DRG1: variants seen among roughly 807,000 people sequenced by gnomAD.
DRG1 encodes developmentally-regulated GTP-binding protein 1.
In DRG1, 19 loss-of-function variants were observed where a neutral mutation model predicts 38.8. The ratio of observed to expected loss-of-function variants is 0.49; its 90% CI spans 0.34 to 0.72. The LOEUF is 0.72. Among genes scored for constraint, DRG1 ranks in the 30% least tolerant of loss-of-function variants. The pLI, the probability that DRG1 is intolerant of heterozygous loss-of-function variation, is 0.01. For missense variants in DRG1, 299 were observed against 444.8 expected (o/e 0.67, Z 2.95); for synonymous variants, 167 against 157.5 (o/e 1.06, Z -0.45).
intron 3 of DRG1, among the ~76,000 whole-genome samples, 179 bp from the exon 4 acceptor site, chr22:31,410,833 G>A (rs767814860): frequency 6.6e-6 from 1 of 151,556 alleles, no homozygotes; most frequent in Non-Finnish European, 1.5e-5. Context: ...AAAAAAGCCT[G>A]TAGCTGACAT....
chr22:31,422,387 C>T (rs1430987879), intron 5 of DRG1, among the ~76,000 whole-genome samples: 6 of 151,954 alleles, frequency 3.9e-5, no homozygotes, highest in Admixed American at 1.3e-4. Context: ...GCTGAGATCG[C>T]GCCACTGCAC....
At chr22:31,411,115 C>T (rs1205071236) in intron 4 of DRG1, 34 bp downstream of exon 4, 1 of 1,605,702 alleles carries the variant, frequency 6.2e-7, no homozygotes, top group African/African-American at 1.3e-5. Context: ...CCTGGGATAT[C>T]ATTCCCTTCT....
At chr22:31,404,320 A>G (rs1432911911) in intron 3 of DRG1, among the ~76,000 whole-genome samples, 2 of 150,982 alleles carry the variant, frequency 1.3e-5, no homozygotes, top group East Asian at 2.0e-4. Context: ...GCTCACTGCA[A>G]TCTCCGCCTC....
chr22:31,405,172 C>CTTT lies in DRG1; in HGVS notation c.342+1980_342+1982dup, dbSNP rs1278780788. ...TTTTGTAGAGGCCTTAATAAATTTT[C>CTTT]TTTTTTTTTTTTTTGAGACAGAGTC... On this transcript the variant is annotated intron_variant, in intron 3 of 8. Transcript: ENST00000331457. Among the ~76,000 whole-genome samples the CTTT allele has an allele frequency of 6.4e-3, 885 of 139,118 alleles. 2 individuals are homozygous for CTTT. The highest frequency in any genetic ancestry group is 0.011 in the Non-Finnish European group (702 of 63,878). The allele number at this position is 139,118 out of a possible 152,430, so 91.3% of individuals were successfully genotyped here.
chr22:31,431,454 C>G (rs992055239), intron 8 of DRG1, among the ~76,000 whole-genome samples: 3 of 152,196 alleles, frequency 2.0e-5, no homozygotes, highest in African/African-American at 4.8e-5. Context: ...TGCTTGAGTC[C>G]AGGAGTGTGA....
intron 4 of DRG1, among the ~76,000 whole-genome samples, chr22:31,418,969 C>T (rs2050060042): frequency 6.6e-6 from 1 of 152,168 alleles, no homozygotes; most frequent in Non-Finnish European, 1.5e-5. Context: ...GCGTGAGCCA[C>T]TGCGCCGGCC....
intron 8 of DRG1, among the ~76,000 whole-genome samples, chr22:31,431,092 T>A (rs546273959): frequency 7.7e-6 from 1 of 129,402 alleles, no homozygotes; most frequent in African/African-American, 2.9e-5. Flanking sequence ...CTGAGTGCAG[T>A]GGTGCGATCT....
chr22:31,414,988 G>T (rs1284787566), intron 4 of DRG1, among the ~76,000 whole-genome samples: 1 of 151,950 alleles, frequency 6.6e-6, no homozygotes, highest in Non-Finnish European at 1.5e-5. Flanking sequence ...GTTGTTCAGG[G>T]TGGTCTCGAA....
In DRG1 at chr22:31,403,124, T is replaced by C; in HGVS notation, c.262T>C (p.Tyr88His). Reference sequence around the variant, plus strand: ...ACTGCTTAGTAACCTGGCAGGGGTATATTCTGAGGTGGCAGCCTATGAATT... The same window carrying C: ...ACTGCTTAGTAACCTGGCAGGGGTACATTCTGAGGTGGCAGCCTATGAATT... ...STLLSNLAGV[Y>H]SEVAAYEFTT... Residue 88 changes from tyrosine to histidine, a missense_variant, in exon 3 of 9, where the codon TAT becomes CAT. Transcript: ENST00000331457. The C allele has an allele frequency of 6.2e-7, 1 of 1,614,160 alleles. No homozygotes were observed. Among genetic ancestry groups the C allele is most frequent in the Non-Finnish European group, 8.5e-7 (1 of 1,180,026 alleles).
At chr22:31,403,305 A>G (rs2049972747) in intron 3 of DRG1, 101 bp downstream of exon 3, 2 of 1,265,930 alleles carry the variant, frequency 1.6e-6, no homozygotes, top group African/African-American at 1.5e-5. Context: ...TCTTTGATCT[A>G]CCAGGCACTT....
At chr22:31,431,022 C>T (rs2050135729) in intron 8 of DRG1, among the ~76,000 whole-genome samples, 2 of 4,888 alleles carry the variant, frequency 4.1e-4, no homozygotes, top group Admixed American at 1.5e-3. Context: ...CCGGCCTTCC[C>T]CCCCCCCCCC....
intron 4 of DRG1, among the ~76,000 whole-genome samples, chr22:31,414,385 A>G (rs1367307376): frequency 1.3e-5 from 2 of 152,096 alleles, no homozygotes; most frequent in Non-Finnish European, 2.9e-5. Flanking sequence ...GGATCACTTG[A>G]GCTCAGGAGT....
rs773904999 is a variant in DRG1, at chr22:31,433,890, C to G, written c.1023C>G (p.Leu341=). The G allele has an allele frequency of 6.2e-7, 1 of 1,614,068 alleles. No homozygotes were observed. Among genetic ancestry groups the G allele is most frequent in the Non-Finnish European group, 8.5e-7 (1 of 1,179,936 alleles). The part of the protein sequence containing the change: ...KEFKYALVWG[L]SVKHNPQKVG... ...CATGCAGTGCTCTGGTCTGGGGTCT[C>G]TCTGTGAAACACAATCCTCAGAAAG... Residue 341 remains leucine, a synonymous_variant, in exon 9 of 9, where the codon CTC becomes CTG. Transcript: ENST00000331457.
At chr22:31,430,924 C>T (rs1315023896) in intron 8 of DRG1, among the ~76,000 whole-genome samples, 1 of 150,666 alleles carries the variant, frequency 6.6e-6, no homozygotes, top group Non-Finnish European at 1.5e-5. Context: ...CCCTATGTTG[C>T]CCTGGCTGGT....
intron 4 of DRG1, among the ~76,000 whole-genome samples, chr22:31,412,137 A>C (rs1463570495): frequency 6.6e-6 from 1 of 150,784 alleles, no homozygotes. Flanking sequence ...TAAAAATACA[A>C]AAAAAAATTA....
At chr22:31,431,035 CTTTT>C in intron 8 of DRG1, among the ~76,000 whole-genome samples, 1 of 56,768 alleles carries the variant, frequency 1.8e-5, no homozygotes, top group African/African-American at 6.7e-5. Flanking sequence ...CCCCCCCCCG[CTTTT>C]TTTTTTTTTT....
At chr22:31,409,101 T>G (rs1601526424) in intron 3 of DRG1, among the ~76,000 whole-genome samples, 1 of 152,106 alleles carries the variant, frequency 6.6e-6, no homozygotes, top group Non-Finnish European at 1.5e-5. Flanking sequence ...TTATTTATTT[T>G]TATTATTTTT....
chr22:31,419,560 A>G (rs537018061), intron 4 of DRG1, among the ~76,000 whole-genome samples: 1 of 152,102 alleles, frequency 6.6e-6, no homozygotes, highest in African/African-American at 2.4e-5. Context: ...GGCAGAAAGC[A>G]GATCAGTGGT....
chr22:31,426,342 G>T (rs12169621), intron 6 of DRG1, among the ~76,000 whole-genome samples: 1 of 152,220 alleles, frequency 6.6e-6, no homozygotes, highest in African/African-American at 2.4e-5. Flanking sequence ...GCTGGGATTA[G>T]AATCAGTCTG....
Sources: allele counts gnomAD v4.1 joint callset (sites outside exome capture counted in the v4.1 genomes callset), GRCh38; gene constraint gnomAD v4.1.1; transcripts MANE v1.5; gene names NCBI Gene and HGNC (gene_info 2026-07-23, HGNC 2026-07-21).